Variants in SIL1 observed in about 807,000 individuals in gnomAD.
The protein encoded by SIL1 is nucleotide exchange factor SIL1.
SIL1 carries 40 observed loss-of-function variants against 49.1 expected under a neutral mutation model. The ratio of observed to expected loss-of-function variants is 0.81; its 90% CI spans 0.63 to 1.06. The LOEUF is 1.06. Ranked by LOEUF, SIL1 falls within the 50% of genes least tolerant of loss-of-function variation. The pLI, the probability that SIL1 is intolerant of heterozygous loss-of-function variation, is 0.00. For synonymous variants in SIL1, 253 were observed against 250.8 expected (o/e 1.01, Z -0.08); for missense variants, 500 against 572.6 (o/e 0.87, Z 1.29).
intron 1 of SIL1, among the ~76,000 whole-genome samples, chr5:139,159,939 C>T (rs528254371): frequency 1.3e-5 from 2 of 152,164 alleles, no homozygotes; most frequent in South Asian, 4.2e-4. Flanking sequence ...AAACCCTCAA[C>T]CTAAAAAAAA....
At chr5:139,021,045 T>C in intron 7 of SIL1, 126 bp downstream of exon 7, 1 of 1,392,300 alleles carries the variant, frequency 7.2e-7, no homozygotes, top group Non-Finnish European at 1.0e-6. Flanking sequence ...AGAATCAAAT[T>C]TTACTCTAGT....
At chr5:139,011,169 G>A (rs1356017200) in intron 7 of SIL1, among the ~76,000 whole-genome samples, 1 of 151,046 alleles carries the variant, frequency 6.6e-6, no homozygotes, top group East Asian at 1.9e-4. Flanking sequence ...CTCGTGGTGC[G>A]CCGTTTTTTA....
At chr5:138,970,099 C>A (rs60524884) in intron 7 of SIL1, among the ~76,000 whole-genome samples, 1 of 152,170 alleles carries the variant, frequency 6.6e-6, no homozygotes, top group African/African-American at 2.4e-5. Flanking sequence ...TTTGGAAAGG[C>A]CCCTGCAAAG....
At chr5:139,000,912 A>G (rs1767969374) in intron 7 of SIL1, among the ~76,000 whole-genome samples, 1 of 151,914 alleles carries the variant, frequency 6.6e-6, no homozygotes, top group South Asian at 2.1e-4. Context: ...TATAATATAT[A>G]AATGCCAACT....
intron 3 of SIL1, among the ~76,000 whole-genome samples, chr5:139,076,281 C>A (rs984611732): frequency 1.3e-5 from 2 of 152,176 alleles, no homozygotes; most frequent in Non-Finnish European, 2.9e-5. Context: ...ATCAGCTAAA[C>A]CTGTCAACTT....
At chr5:139,048,678 A>G (rs1039730841) in intron 4 of SIL1, among the ~76,000 whole-genome samples, 1 of 152,206 alleles carries the variant, frequency 6.6e-6, no homozygotes, top group Non-Finnish European at 1.5e-5. Context: ...CCCCTAACTC[A>G]ATATTCATAA....
intron 3 of SIL1, among the ~76,000 whole-genome samples, chr5:139,120,539 G>C (rs1389101842): frequency 3.9e-5 from 6 of 152,130 alleles, no homozygotes; most frequent in Non-Finnish European, 7.4e-5. Flanking sequence ...CTCATGAAAG[G>C]GTTAGAAAAT....
At chr5:139,056,057 A>G (rs1322464492) in intron 3 of SIL1, among the ~76,000 whole-genome samples, 1 of 151,506 alleles carries the variant, frequency 6.6e-6, no homozygotes, top group Non-Finnish European at 1.5e-5. Flanking sequence ...TTGGCCTCCC[A>G]AAGTGCCGAG....
At position 138,951,176 on chromosome 5, in the gene SIL1, C is replaced by T. The variant is rs1022340206; in HGVS notation, c.1024G>A (p.Glu342Lys). Residue 342 changes from glutamate (E) to lysine (K), a missense_variant, in exon 9 of 10, where the codon GAG (glutamate) becomes AAG (lysine). Physicochemically the swap from Glu to Lys is moderately conservative, Grantham distance 56 (BLOSUM62 1). Coordinates refer to ENST00000394817, the MANE Select transcript of SIL1 (RefSeq NM_022464.5). ...GGGTGGGCCTGGGCACTCACCTTCT[C>T]CGTGACCAGGTCGTAGAGCAGTGTG... ...VVTLLYDLVT[E>K]KMFAEEEAEL... The T allele has an allele frequency of 1.2e-6, 2 of 1,611,186 alleles. No individual in the cohort carries two copies. Among genetic ancestry groups the T allele is most frequent in the Non-Finnish European group, 1.7e-6 (2 of 1,178,814 alleles).
At chr5:139,048,109 A>G (rs1769205979) in intron 4 of SIL1, among the ~76,000 whole-genome samples, 1 of 152,102 alleles carries the variant, frequency 6.6e-6, no homozygotes, top group African/African-American at 2.4e-5. Context: ...AAAATTCCTC[A>G]GTATTATTTT....
chr5:139,112,190 A>C (rs1326985436), intron 3 of SIL1, among the ~76,000 whole-genome samples: 1 of 152,198 alleles, frequency 6.6e-6, no homozygotes, highest in East Asian at 1.9e-4. Context: ...GATCTCAGCT[A>C]GCTACAACCT....
chr5:138,962,019 C>T (rs1767030509), intron 7 of SIL1, among the ~76,000 whole-genome samples: 3 of 149,644 alleles, frequency 2.0e-5, no homozygotes, highest in African/African-American at 7.3e-5. Flanking sequence ...TTCAGTGAGG[C>T]CCTTCTCCTT....
chr5:138,981,907 G>A (rs1000031959), intron 7 of SIL1, among the ~76,000 whole-genome samples: 2 of 151,884 alleles, frequency 1.3e-5, no homozygotes, highest in African/African-American at 4.8e-5. Context: ...TTGAAGTCAC[G>A]CTGCCTGGGT....
chr5:138,947,802 A>G lies in SIL1; in HGVS notation c.1030-329T>C, dbSNP rs1766669344. On this transcript the variant is annotated intron_variant, in intron 9 of 9. Coordinates refer to ENST00000394817, the MANE Select transcript of SIL1 (RefSeq NM_022464.5). The surrounding 1 kb of genome is among the most constrained non-coding windows in gnomAD (Gnocchi z 4.1). ...TAATCTAACAGTGCAGCATGGAGGC[A>G]GACAGGCTGGCTTCAAATTCCTGCT... 6.6e-6 allele frequency among the ~76,000 whole-genome samples: 1 copy of G among 152,252 alleles called. No homozygotes were observed.
intron 3 of SIL1, among the ~76,000 whole-genome samples, chr5:139,057,561 G>A (rs1769484034): frequency 6.6e-6 from 1 of 152,030 alleles, no homozygotes; most frequent in Non-Finnish European, 1.5e-5. Context: ...AGAAGCTTTG[G>A]CTCCTCAGAG....
intron 7 of SIL1, among the ~76,000 whole-genome samples, chr5:138,958,294 T>C (rs1561804823): frequency 6.6e-6 from 1 of 152,330 alleles, no homozygotes; most frequent in East Asian, 1.9e-4. Context: ...TTGGCAGGAA[T>C]ACACAAACAC....
chr5:139,137,549 C>CT (rs1750999288), intron 1 of SIL1: 1 of 480,936 alleles, frequency 2.1e-6, no homozygotes, highest in Admixed American at 3.6e-5. Flanking sequence ...TATTATTATA[C>CT]TTTAAGTTTT....
chr5:138,952,649 C>T (rs1375746537), intron 7 of SIL1, among the ~76,000 whole-genome samples: 1 of 152,260 alleles, frequency 6.6e-6, no homozygotes, highest in African/African-American at 2.4e-5. Context: ...CAACCATGAA[C>T]ATATCAATAG....
intron 3 of SIL1, among the ~76,000 whole-genome samples, chr5:139,059,590 A>G (rs1285987222): frequency 6.6e-6 from 1 of 152,214 alleles, no homozygotes; most frequent in Non-Finnish European, 1.5e-5. Context: ...AGGGACACTG[A>G]GTTCACTTTC....
Sources: gnomAD v4.1 joint callset for allele counts (sites outside exome capture counted in the v4.1 genomes callset) on GRCh38, gnomAD v4.1.1 for gene constraint, Gnocchi (gnomAD v3.1) non-coding constraint, MANE v1.5 for transcripts, NCBI Gene and HGNC (gene_info 2026-07-23, HGNC 2026-07-21) for gene names.